Variants in SLC67A1 observed in about 807,000 individuals in gnomAD.
The protein encoded by SLC67A1 is solute carrier family 67 member 1, also known as solute carrier family 67 member A1.
the SLC67A1 span, chr11:2,909,662 G>C: frequency 6.5e-7 from 1 of 1,540,802 alleles, no homozygotes; most frequent in Non-Finnish European, 8.7e-7. Context: ...TTCGGCGTCG[G>C]AGTCATCCTC....
chr11:2,916,930 AG>A, the SLC67A1 span: 1 of 571,606 alleles, frequency 1.7e-6, no homozygotes, highest in Non-Finnish European at 3.1e-6. Context: ...GGTCATGAAG[AG>A]GTGGAAGTGG....
the SLC67A1 span, chr11:2,916,818 G>C: frequency 1.3e-5 from 16 of 1,240,388 alleles, no homozygotes; most frequent in East Asian, 3.8e-4. Flanking sequence ...CTCCAGCCAA[G>C]GGGTACGGGG....
At chr11:2,914,340 C>T in the SLC67A1 span, among the ~76,000 whole-genome samples, 3 of 152,144 alleles carry the variant, frequency 2.0e-5, no homozygotes, top group South Asian at 2.1e-4. Context: ...GAGGGGCTGA[C>T]GGCACCGTGC....
At chr11:2,909,447 GC>G in the SLC67A1 span, 38 of 1,435,790 alleles carry the variant, frequency 2.6e-5, no homozygotes, top group South Asian at 4.9e-4. Context: ...CTGCGTGCGC[GC>G]GGGGTCTGGC....
At chr11:2,924,960 G>A in the SLC67A1 span, 3 of 1,530,718 alleles carry the variant, frequency 2.0e-6, no homozygotes, top group African/African-American at 1.4e-5. This position sits in a 1 kb window ranked among gnomAD's most constrained non-coding sequence, Gnocchi z 8.6. Context: ...GAAGTGGGCA[G>A]TTGGCCCAGG....
chr11:2,910,651 C>T, the SLC67A1 span, among the ~76,000 whole-genome samples: 1 of 151,994 alleles, frequency 6.6e-6, no homozygotes, highest in African/African-American at 2.4e-5. Context: ...TTGTGCCGGC[C>T]GAGGTGGGGG....
At chr11:2,922,060 G>C in the SLC67A1 span, 1 of 1,464,364 alleles carries the variant, frequency 6.8e-7, no homozygotes, top group Non-Finnish European at 9.6e-7. Context: ...CCCCTCCCTC[G>C]CCTCCCCCAT....
the SLC67A1 span, among the ~76,000 whole-genome samples, chr11:2,910,191 C>T: frequency 6.6e-6 from 1 of 152,114 alleles, no homozygotes; most frequent in African/African-American, 2.4e-5. Context: ...GGAGCCTGGG[C>T]TGGGGACTGA....
At chr11:2,900,065 C>T in the SLC67A1 span, among the ~76,000 whole-genome samples, 1 of 151,718 alleles carries the variant, frequency 6.6e-6, no homozygotes, top group South Asian at 2.1e-4. Flanking sequence ...CTGTCACCCA[C>T]CCCCACCTTA....
At chr11:2,922,242 C>T in the SLC67A1 span, 1 of 1,583,042 alleles carries the variant, frequency 6.3e-7, no homozygotes, top group East Asian at 2.2e-5. Flanking sequence ...ACCTGACCCT[C>T]TCACTGGGCA....
the SLC67A1 span, among the ~76,000 whole-genome samples, chr11:2,917,420 G>T: frequency 2.0e-5 from 3 of 152,108 alleles, no homozygotes; most frequent in African/African-American, 7.2e-5. Context: ...GGCCTGTGGC[G>T]AGCACAGCAG....
the SLC67A1 span, chr11:2,899,806 G>T: frequency 2.3e-6 from 3 of 1,289,498 alleles, no homozygotes; most frequent in South Asian, 3.2e-5. Flanking sequence ...GGAAGACAGT[G>T]GTAAGTTTCC....
the SLC67A1 span, chr11:2,914,632 G>A: frequency 3.5e-6 from 3 of 868,876 alleles, no homozygotes; most frequent in South Asian, 5.3e-5. Context: ...CAGCAGCACA[G>A]GCCTTTGGTT....
At chr11:2,902,755 C>A in the SLC67A1 span, 1 of 985,096 alleles carries the variant, frequency 1.0e-6, no homozygotes, top group African/African-American at 1.7e-5. Context: ...GAAGGCTGAG[C>A]TATGTCTCCC....
the SLC67A1 span, chr11:2,919,820 C>T: frequency 4.6e-5 from 8 of 174,872 alleles, no homozygotes; most frequent in Non-Finnish European, 8.4e-5. Flanking sequence ...AGGAGCAAGA[C>T]GCCAGCCCTC....
the SLC67A1 span, chr11:2,921,881 C>A: frequency 5.2e-6 from 3 of 580,328 alleles, no homozygotes; most frequent in Admixed American, 3.0e-5. Flanking sequence ...TGGAGAGGAG[C>A]CCCGACTCCT....
At chr11:2,922,303 G>A in the SLC67A1 span, 2 of 1,503,744 alleles carry the variant, frequency 1.3e-6, no homozygotes, top group Non-Finnish European at 1.8e-6. Flanking sequence ...GACTCCTCCA[G>A]CCCCCCACAC....
chr11:2,925,111 G>A, the SLC67A1 span: 32 of 1,613,738 alleles, frequency 2.0e-5, no homozygotes, highest in African/African-American at 1.5e-4. The surrounding 1 kb of genome is among the most constrained non-coding windows in gnomAD (Gnocchi z 6.5). Context: ...CCCCGTCTTC[G>A]GCCACGTGCA....
At chr11:2,917,568 G>A in the SLC67A1 span, among the ~76,000 whole-genome samples, 1 of 152,254 alleles carries the variant, frequency 6.6e-6, no homozygotes, top group Admixed American at 6.5e-5. Flanking sequence ...GAGTGGTACA[G>A]TATTGCCATT....
Sources: allele counts gnomAD v4.1 joint callset (sites outside exome capture counted in the v4.1 genomes callset), GRCh38; gene constraint gnomAD v4.1.1; non-coding constraint Gnocchi (gnomAD v3.1); transcripts MANE v1.5; gene names NCBI Gene and HGNC (gene_info 2026-07-23, HGNC 2026-07-21).